RIPPLY3: variants seen among roughly 807,000 people sequenced by gnomAD.
The protein encoded by RIPPLY3 is protein ripply3.
Under a neutral mutation model 11.9 loss-of-function variants are expected in RIPPLY3, and 8 were observed. The ratio of observed to expected loss-of-function variants is 0.67; its 90% CI spans 0.40 to 1.21. The LOEUF is 1.21. Ranked by LOEUF, RIPPLY3 falls within the 50% of genes most tolerant of loss-of-function variation. RIPPLY3 has a pLI of 0.01. For missense variants in RIPPLY3, 271 were observed against 246.0 expected (o/e 1.10, Z -0.68); for synonymous variants, 102 against 99.0 (o/e 1.03, Z -0.18).
At position 37,018,441 on chromosome 21, in the gene RIPPLY3, G is replaced by A. The variant is rs1214302704; in HGVS notation, c.*234G>A. 3.6e-6 allele frequency: 2 copies of A among 554,976 alleles called. No homozygotes were observed. Among genetic ancestry groups the A allele is most frequent in the Admixed American group, 6.3e-5 (2 of 31,666 alleles). 34.4% of individuals were successfully genotyped at this position (554,976 alleles called of 1,614,324 possible). Reference sequence around the variant, plus strand: ...CTTTGAGAAAGGATTCTAGGAGAAAGAGAAGGTCTATGTCAACAGAGTTGT... The same window carrying A: ...CTTTGAGAAAGGATTCTAGGAGAAAAAGAAGGTCTATGTCAACAGAGTTGT... On this transcript the variant is annotated 3_prime_UTR_variant, in exon 4 of 4. Transcript: ENST00000329553.
Position 37,008,770 on chromosome 21 carries a change from A to C in RIPPLY3, c.171+547A>C, listed in dbSNP as rs530770083. Among the ~76,000 whole-genome samples the C allele has an allele frequency of 2.0e-4, 31 of 151,362 alleles. 2 individuals carry two copies. The highest frequency in any genetic ancestry group is 8.3e-4 in the South Asian group (4 of 4,796). ...AAGACTCATCTCAAAAAAAAAAAAA[A>C]AAAAAAAAAACCGTAGTCGTTTCAT... On this transcript the variant is annotated intron_variant, in intron 2 of 3. Coordinates refer to ENST00000329553, the MANE Select transcript of RIPPLY3 (RefSeq NM_018962.3).
At chr21:37,016,049 G>A (rs960871802) in intron 3 of RIPPLY3, among the ~76,000 whole-genome samples, 8 of 152,000 alleles carry the variant, frequency 5.3e-5, no homozygotes, top group Admixed American at 2.0e-4. Flanking sequence ...GACATGCTAG[G>A]AATTCACCTG....
chr21:37,008,125 G>C, intron 1 of RIPPLY3, 32 bp from the exon 2 acceptor site: 1 of 1,612,160 alleles, frequency 6.2e-7, no homozygotes, highest in South Asian at 1.1e-5. Flanking sequence ...AAGTGCCCAG[G>C]GTTCACTCTC....
In RIPPLY3 at chr21:37,006,831, C is replaced by G; in HGVS notation, c.59C>G (p.Pro20Arg). The G allele has an allele frequency of 8.1e-7, 1 of 1,227,446 alleles. No homozygotes were observed. Among genetic ancestry groups the G allele is most frequent in the Non-Finnish European group, 1.0e-6 (1 of 985,204 alleles). The allele number at this position is 1,227,446 out of a possible 1,614,324, so 76.0% of individuals were successfully genotyped here. Residue 20 changes from proline (P) to arginine (R), a missense_variant, in exon 1 of 4, where the codon CCC becomes CGC. Physicochemically the swap from Pro to Arg is moderately radical, Grantham distance 103 (BLOSUM62 -2). Coordinates refer to ENST00000329553, the MANE Select transcript of RIPPLY3 (RefSeq NM_018962.3). This position sits in a 1 kb window ranked among gnomAD's most constrained non-coding sequence, Gnocchi z 5.2. ...GCGCGGGGGCGCGGCTGTCACTGCC[C>G]CGGGGACGCTCCCTGGAGGCCTCCG... ...RKARGRGCHC[P>R]GDAPWRPPPP...
At chr21:37,007,701 G>T (rs903257519) in intron 1 of RIPPLY3, among the ~76,000 whole-genome samples, 3 of 152,004 alleles carry the variant, frequency 2.0e-5, no homozygotes, top group Admixed American at 2.0e-4. Context: ...GAGCCACCGC[G>T]CCCAGCCCCC....
At chr21:37,008,766 A>AAC (rs2069492360) in intron 2 of RIPPLY3, among the ~76,000 whole-genome samples, 1 of 151,342 alleles carries the variant, frequency 6.6e-6, no homozygotes. Flanking sequence ...CAAAAAAAAA[A>AAC]AAAAAAAAAA....
chr21:37,016,581 T>C (rs2069581388), intron 3 of RIPPLY3, among the ~76,000 whole-genome samples: 1 of 152,026 alleles, frequency 6.6e-6, no homozygotes, highest in South Asian at 2.1e-4. Flanking sequence ...ACCTGTAATC[T>C]CACACTTTGG....
rs531029794 is a variant in RIPPLY3, at chr21:37,008,138, C to T, written c.105-19C>T. 3.9e-4 allele frequency: 626 copies of T among 1,613,942 alleles called. 5 individuals are homozygous for T. In the South Asian group the frequency reaches 6.6e-3, roughly 17 times the overall value. Reference sequence around the variant, plus strand: ...AGAAGTGCCCAGGGTTCACTCTCTCCTGGCGCTTGCCGTTCCAGCCCCGCG... The same window carrying T: ...AGAAGTGCCCAGGGTTCACTCTCTCTTGGCGCTTGCCGTTCCAGCCCCGCG... On this transcript the variant is annotated intron_variant, in intron 1 of 3. Coordinates refer to ENST00000329553, the MANE Select transcript of RIPPLY3 (RefSeq NM_018962.3).
chr21:37,011,903 TGGGTGAGCA>T (rs2069525912), intron 2 of RIPPLY3, among the ~76,000 whole-genome samples: 1 of 115,870 alleles, frequency 8.6e-6, no homozygotes. Context: ...CACTCCAGCC[TGGGTGAGCA>T]GAGTAAGACT....
intron 2 of RIPPLY3, among the ~76,000 whole-genome samples, chr21:37,010,030 G>C (rs1003432025): frequency 6.6e-6 from 1 of 152,186 alleles, no homozygotes; most frequent in Admixed American, 6.5e-5. Flanking sequence ...CGCAGGGAAG[G>C]AACGCTTCTT....
chr21:37,008,982 G>T (rs998133932), intron 2 of RIPPLY3, among the ~76,000 whole-genome samples: 1 of 151,898 alleles, frequency 6.6e-6, no homozygotes, highest in Non-Finnish European at 1.5e-5. Context: ...GCCGTTAAAA[G>T]CCCCCACCCC....
chr21:37,012,966 G>C lies in RIPPLY3; in HGVS notation c.172-585G>C, dbSNP rs145756965. Among the ~76,000 whole-genome samples, 727 of 150,912 alleles carry C rather than the reference G, an allele frequency of 4.8e-3. 7 individuals carry two copies. The highest frequency in any genetic ancestry group is 0.017 in the African/African-American group (697 of 41,122). On this transcript the variant is annotated intron_variant, in intron 2 of 3. Coordinates refer to ENST00000329553, the MANE Select transcript of RIPPLY3 (RefSeq NM_018962.3). ...TGTAACCTCCACCTCCCAGGTTCAA[G>C]TGATTCTTGTGCCTCAGCCTCCCAA...
chr21:37,006,860 C>T lies in RIPPLY3; in HGVS notation c.88C>T (p.Pro30Ser), dbSNP rs1246879424. The change falls in exon 1 of 4, where the codon CCG (proline) becomes TCG (serine). Residue 30 changes from proline (P) to serine (S), a missense_variant. Pro to Ser is a moderately conservative substitution (Grantham distance 74). Coordinates refer to ENST00000329553, the MANE Select transcript of RIPPLY3 (RefSeq NM_018962.3). The surrounding 1 kb of genome is among the most constrained non-coding windows in gnomAD (Gnocchi z 5.2). ...PGDAPWRPPP[P>S]RGPESPAPWR... The stretch of plus-strand genomic sequence containing the variant: ...GGACGCTCCCTGGAGGCCTCCGCCA[C>T]CGCGCGGGCCGGAGAGGTGAGGGTG... 2 of 1,220,576 alleles carry T rather than the reference C, an allele frequency of 1.6e-6. No homozygotes were observed. The highest frequency in any genetic ancestry group is 2.0e-6 in the Non-Finnish European group (2 of 980,588). The allele number at this position is 1,220,576 out of a possible 1,614,324, so 75.6% of individuals were successfully genotyped here.
At chr21:37,015,641 A>G (rs962764335) in intron 3 of RIPPLY3, among the ~76,000 whole-genome samples, 5 of 152,210 alleles carry the variant, frequency 3.3e-5, no homozygotes, top group Admixed American at 2.0e-4. Flanking sequence ...CACCGGCCTC[A>G]ATAGTTATCA....
chr21:37,008,051 G>T (rs943198059), intron 1 of RIPPLY3, 106 bp from the exon 2 acceptor site: 18 of 1,165,746 alleles, frequency 1.5e-5, no homozygotes, highest in Non-Finnish European at 2.1e-5. Flanking sequence ...GGGGTCCGGT[G>T]CCTCTTTTTC....
chr21:37,010,248 T>C (rs1323783489), intron 2 of RIPPLY3, among the ~76,000 whole-genome samples: 1 of 152,004 alleles, frequency 6.6e-6, no homozygotes, highest in Non-Finnish European at 1.5e-5. Flanking sequence ...TCTCAGCACT[T>C]TGGGAGGCCG....
intron 2 of RIPPLY3, among the ~76,000 whole-genome samples, chr21:37,012,341 G>A (rs1055661136): frequency 1.3e-5 from 2 of 151,896 alleles, no homozygotes; most frequent in African/African-American, 4.8e-5. Context: ...GGGTTCAGGC[G>A]ATTCTCCTGC....
At position 37,013,511 on chromosome 21, in the gene RIPPLY3, C is replaced by G. The variant is rs779397710; in HGVS notation, c.172-40C>G. On this transcript the variant is annotated intron_variant, in intron 2 of 3. Transcript: ENST00000329553. ...CCTCAGGATGTCACCTTCCGACACT[C>G]CTGCACTGTCTCTGTGTTTGTATGT... 12 of 1,579,598 alleles carry G rather than the reference C, an allele frequency of 7.6e-6. No individual in the cohort carries two copies. The South Asian group carries it at 1.3e-4, about 18-fold the overall frequency.
rs775797566 is a variant in RIPPLY3, at chr21:37,018,303, G to A, written c.*96G>A. 1 of 1,060,264 alleles carries A rather than the reference G, an allele frequency of 9.4e-7. No homozygotes were observed. Among genetic ancestry groups the A allele is most frequent in the African/African-American group, 1.5e-5 (1 of 64,732 alleles). 65.7% of individuals were successfully genotyped at this position (1,060,264 alleles called of 1,614,324 possible). A position where few individuals can be genotyped will look rare whatever the true frequency, so the allele number is the denominator to read the frequency against. On this transcript the variant is annotated 3_prime_UTR_variant, in exon 4 of 4. Coordinates refer to ENST00000329553, the MANE Select transcript of RIPPLY3 (RefSeq NM_018962.3). Reference sequence around the variant, plus strand: ...GACACTACGCATCCCTGCTGAGTGTGCAGAGGCTAGAGGCTTCTCGGGCAG... The same window carrying A: ...GACACTACGCATCCCTGCTGAGTGTACAGAGGCTAGAGGCTTCTCGGGCAG...
Sources: gnomAD v4.1 joint callset for allele counts (sites outside exome capture counted in the v4.1 genomes callset) on GRCh38, gnomAD v4.1.1 for gene constraint, Gnocchi (gnomAD v3.1) non-coding constraint, MANE v1.5 for transcripts, NCBI Gene and HGNC (gene_info 2026-07-23, HGNC 2026-07-21) for gene names.